Variants in SMCHD1 observed in about 807,000 individuals in gnomAD.
SMCHD1 encodes the protein structural maintenance of chromosomes flexible hinge domain-containing protein 1.
Under a neutral mutation model 254.7 loss-of-function variants are expected in SMCHD1, and 78 were observed. That is an observed-to-expected ratio of 0.31 (90% confidence interval 0.26 to 0.37). SMCHD1 has a LOEUF of 0.37. Ranked by LOEUF, SMCHD1 falls within the 10% of genes least tolerant of loss-of-function variation. SMCHD1 has a pLI of 1.00. For missense variants in SMCHD1, 1,840 were observed against 2,408.1 expected, an observed-to-expected ratio of 0.76 and a Z score of 4.94; for synonymous variants, 766 against 794.9, an observed-to-expected ratio of 0.96 and a Z score of 0.61.
intron 1 of SMCHD1, 80 bp downstream of exon 1, chr18:2,656,341 G>A: frequency 7.8e-7 from 1 of 1,276,790 alleles, no homozygotes; most frequent in Non-Finnish European, 1.0e-6. Context: ...TGCTCACTGA[G>A]GGCAATAAAC....
chr18:2,761,726 G>A (rs1194128210), intron 35 of SMCHD1, among the ~76,000 whole-genome samples: 2 of 152,272 alleles, frequency 1.3e-5, no homozygotes, highest in Non-Finnish European at 2.9e-5. Context: ...GCTGAGGCAG[G>A]AGAATCGCTT....
intron 22 of SMCHD1, chr18:2,727,102 G>C (rs574573705): frequency 2.0e-5 from 3 of 152,272 alleles, no homozygotes; most frequent in Non-Finnish European, 4.4e-5. Context: ...TTGTTAGGAG[G>C]ATTAAATGAG....
intron 44 of SMCHD1, 88 bp downstream of exon 44, chr18:2,778,327 C>A: frequency 2.3e-6 from 2 of 881,998 alleles, no homozygotes; most frequent in Non-Finnish European, 3.4e-6. Context: ...AACGACTAGC[C>A]TTTTCAAAAC....
At chr18:2,776,227 AT>A (rs2076064275) in intron 42 of SMCHD1, among the ~76,000 whole-genome samples, 1 of 151,988 alleles carries the variant, frequency 6.6e-6, no homozygotes. Flanking sequence ...TTTTTTTTAA[AT>A]TTTTTAATTT....
rs112781097 is a variant in SMCHD1 at position 2,776,094 on chromosome 18, C to T, written c.5366+170C>T. ...AAATGGGCATTTTTCACTGCATATG[C>T]TGGCTATGTTTTATTTGCCAATTAA... On this transcript the variant is annotated intron_variant, in intron 42 of 47. Coordinates refer to ENST00000320876, the MANE Select transcript of SMCHD1 (RefSeq NM_015295.3). Among the ~76,000 whole-genome samples the T allele has an allele frequency of 4.4e-3, 677 of 152,184 alleles. 5 individuals are homozygous for T. The highest frequency in any genetic ancestry group is 0.016 in the African/African-American group (644 of 41,516).
At position 2,697,871 on chromosome 18, in the gene SMCHD1, A is replaced by G. The variant is rs1598331615; in HGVS notation, c.1172A>G (p.Asn391Ser). Residue 391 changes from asparagine (N) to serine (S), a missense_variant, in exon 10 of 48, where the codon AAC becomes AGC. By Grantham distance (46) the Asn-to-Ser change is conservative. Transcript: ENST00000320876. ...AAAGGGAAGGTACCTAAGATTGTCA[A>G]CCTAAGGGAAATACAAGACGACATG... ...FEKGKVPKIV[N>S]LREIQDDMQT... is the part of the protein sequence containing the mutation. 1.9e-6 allele frequency: 3 copies of G among 1,613,606 alleles called. No homozygotes were observed. The South Asian group carries it at 3.3e-5, about 18-fold the overall frequency.
chr18:2,711,583 C>T lies in SMCHD1; in HGVS notation c.2260+3663C>T, dbSNP rs796810710. ...CTGCAAGCTCCGCCTCCCGGGTTCACGCCATTCTCCTGCCTCAGCCTCCCA... is the reference window on the plus strand; with the variant it reads ...CTGCAAGCTCCGCCTCCCGGGTTCATGCCATTCTCCTGCCTCAGCCTCCCA... On this transcript the variant is annotated intron_variant, in intron 17 of 47. Coordinates refer to ENST00000320876, the MANE Select transcript of SMCHD1 (RefSeq NM_015295.3). 5.8e-4 allele frequency among the ~76,000 whole-genome samples: 85 copies of T among 147,256 alleles called. 1 individual carries two copies. The highest frequency in any genetic ancestry group is 1.8e-3 in the African/African-American group (71 of 40,218).
intron 29 of SMCHD1, among the ~76,000 whole-genome samples, chr18:2,744,456 A>G (rs2075409686): frequency 6.6e-6 from 1 of 152,010 alleles, no homozygotes; most frequent in African/African-American, 2.4e-5. Flanking sequence ...CAGAATTCTA[A>G]TTTGATTGAC....
chr18:2,726,582 A>G, intron 22 of SMCHD1, 58 bp downstream of exon 22: 3 of 872,184 alleles, frequency 3.4e-6, no homozygotes, highest in Non-Finnish European at 5.0e-6. Context: ...TTAAAGTATA[A>G]TGATATGAAG....
intron 34 of SMCHD1, among the ~76,000 whole-genome samples, chr18:2,755,658 C>T (rs2075662366): frequency 6.8e-6 from 1 of 147,312 alleles, no homozygotes; most frequent in African/African-American, 2.5e-5. Context: ...AGCTCTGCCT[C>T]CCGGGTTCAT....
chr18:2,799,969 C>A (rs1258825485), intron 47 of SMCHD1, among the ~76,000 whole-genome samples: 2 of 151,974 alleles, frequency 1.3e-5, no homozygotes, highest in African/African-American at 4.8e-5. Context: ...TAACTTGGAG[C>A]CCTTCTATGT....
At chr18:2,737,139 GA>G (rs2075266653) in intron 25 of SMCHD1, among the ~76,000 whole-genome samples, 1 of 152,114 alleles carries the variant, frequency 6.6e-6, no homozygotes. Flanking sequence ...CCCAAATACT[GA>G]ATGGTCTCAC....
At chr18:2,778,837 A>G (rs1328389880) in intron 44 of SMCHD1, 2 of 152,282 alleles carry the variant, frequency 1.3e-5, no homozygotes, top group African/African-American at 4.8e-5. Context: ...GGCCCACCGC[A>G]GTGACCTCAT....
At chr18:2,705,251 A>AT (rs996128264) in intron 13 of SMCHD1, among the ~76,000 whole-genome samples, 2 of 152,110 alleles carry the variant, frequency 1.3e-5, no homozygotes, top group African/African-American at 4.8e-5. Context: ...TTTCCCTTAG[A>AT]TTTTTTAAAC....
chr18:2,668,172 G>T (rs1475894844), intron 3 of SMCHD1, among the ~76,000 whole-genome samples: 1 of 152,126 alleles, frequency 6.6e-6, no homozygotes. Flanking sequence ...AAGCCACCAT[G>T]CCCGGTCTGA....
chr18:2,802,502 CT>C (rs761431352), intron 47 of SMCHD1, 25 bp from the exon 48 acceptor site: 68 of 1,541,376 alleles, frequency 4.4e-5, no homozygotes, highest in African/African-American at 6.9e-5. Context: ...GTACATAAAA[CT>C]TTTTTTTCTT....
rs201031648 is a variant in SMCHD1 at position 2,711,142 on chromosome 18, A to AT, written c.2260+3233dup. ...CAGACATGCTCATTGCACCCAGCTA[A>AT]TTTTTTTTTTTCTTTTTATCAATGG... On this transcript the variant is annotated intron_variant, in intron 17 of 47. Coordinates refer to ENST00000320876, the MANE Select transcript of SMCHD1 (RefSeq NM_015295.3). Among the ~76,000 whole-genome samples, 1,150 of 148,254 alleles carry AT rather than the reference A, an allele frequency of 7.8e-3. 15 individuals are homozygous for AT. The highest frequency in any genetic ancestry group is 0.022 in the African/African-American group (901 of 40,510).
intron 45 of SMCHD1, 151 bp downstream of exon 45, chr18:2,784,772 C>CT (rs1219743377): frequency 1.5e-5 from 13 of 842,616 alleles, no homozygotes; most frequent in Admixed American, 1.1e-4. Context: ...CTACTTTCAG[C>CT]TTTTTTATAT....
chr18:2,746,083 G>C (rs753909080), intron 29 of SMCHD1, among the ~76,000 whole-genome samples: 2 of 152,186 alleles, frequency 1.3e-5, no homozygotes, highest in Non-Finnish European at 2.9e-5. Context: ...AACACTTTGG[G>C]AGACCAAGGT....
Sources: allele counts gnomAD v4.1 joint callset (sites outside exome capture counted in the v4.1 genomes callset), GRCh38; gene constraint gnomAD v4.1.1; transcripts MANE v1.5; gene names NCBI Gene and HGNC (gene_info 2026-07-23, HGNC 2026-07-21).